Variants in ZC3H12B observed in about 807,000 individuals in gnomAD.
ZC3H12B encodes the protein zinc finger CCCH-type containing 12B.
A neutral mutation model predicts 43.9 loss-of-function variants in ZC3H12B; 7 were observed. The ratio of observed to expected loss-of-function variants is 0.16; its 90% CI spans 0.09 to 0.30. The LOEUF (loss-of-function observed/expected upper bound fraction) is 0.30. Ranked by LOEUF, ZC3H12B falls within the 10% of genes least tolerant of loss-of-function variation. The probability of loss-of-function intolerance (pLI) is 1.00; values close to 1 mark genes in which losing one functional copy is unlikely to be tolerated. For missense variants in ZC3H12B, 475 were observed against 670.2 expected (o/e 0.71, Z 3.22); for synonymous variants, 222 against 241.7 (o/e 0.92, Z 0.76).
intron 2 of ZC3H12B, among the ~76,000 whole-genome samples, chrX:65,376,211 G>A (rs772656263): frequency 1.8e-5 from 2 of 112,281 alleles, no homozygotes; most frequent in South Asian, 7.3e-4. Context: ...TGCTTCCTGT[G>A]GAGAGGATAG....
chrX:65,110,807 A>C, the ZC3H12B span, among the ~76,000 whole-genome samples: 1 of 111,401 alleles, frequency 9.0e-6, no homozygotes, highest in African/African-American at 3.3e-5. Flanking sequence ...TTAAGTCTGT[A>C]TATTTATTTA....
At chrX:65,077,234 G>A in the ZC3H12B span, among the ~76,000 whole-genome samples, 1 of 111,560 alleles carries the variant, frequency 9.0e-6, no homozygotes, top group Non-Finnish European at 1.9e-5. Context: ...CTGGGCTACC[G>A]GGTGTCATTG....
chrX:65,368,739 C>G (rs1274078390), intron 1 of ZC3H12B, 90 bp from the exon 4 acceptor site: 1 of 112,061 alleles, frequency 8.9e-6, no homozygotes, highest in Non-Finnish European at 1.9e-5. Flanking sequence ...TAATACTGAA[C>G]TTTAAATGGG....
the ZC3H12B span, among the ~76,000 whole-genome samples, chrX:65,058,194 T>C: frequency 9.0e-6 from 1 of 111,506 alleles, no homozygotes; most frequent in African/African-American, 3.3e-5. Flanking sequence ...TGCTCTGTTT[T>C]TTTCCCGTCT....
the ZC3H12B span, among the ~76,000 whole-genome samples, chrX:65,094,119 C>G: frequency 3.6e-5 from 4 of 110,252 alleles, no homozygotes; most frequent in Admixed American, 3.9e-4. Flanking sequence ...TACTCTTTCT[C>G]CTGCTCCAGC....
the ZC3H12B span, among the ~76,000 whole-genome samples, chrX:65,289,841 TGTTTAA>T: frequency 9.0e-6 from 1 of 110,572 alleles, no homozygotes; most frequent in Middle Eastern, 4.6e-3. Flanking sequence ...CAACCCAAAA[TGTTTAA>T]GTTTAAACAT....
the ZC3H12B span, among the ~76,000 whole-genome samples, chrX:65,165,799 G>A: frequency 8.9e-6 from 1 of 111,958 alleles, no homozygotes; most frequent in African/African-American, 3.3e-5. Flanking sequence ...ATAATCTTTT[G>A]GGTGTATACC....
the ZC3H12B span, among the ~76,000 whole-genome samples, chrX:65,193,796 C>A: frequency 1.8e-5 from 2 of 111,765 alleles, no homozygotes; most frequent in Non-Finnish European, 3.8e-5. Context: ...GTTGCTTTCT[C>A]TATATCTCAT....
chrX:65,220,541 G>A, the ZC3H12B span, among the ~76,000 whole-genome samples: 1 of 111,923 alleles, frequency 8.9e-6, no homozygotes, highest in African/African-American at 3.2e-5. Context: ...AAGGGAGCAG[G>A]AGTAGCTATT....
At chrX:65,230,349 G>C in the ZC3H12B span, among the ~76,000 whole-genome samples, 1 of 108,083 alleles carries the variant, frequency 9.3e-6, no homozygotes, top group Non-Finnish European at 1.9e-5. Context: ...TCACATGGAC[G>C]CAGGAAGGGG....
chrX:65,226,582 C>G, the ZC3H12B span, among the ~76,000 whole-genome samples: 22 of 111,474 alleles, frequency 2.0e-4, no homozygotes, highest in Admixed American at 1.4e-3. Context: ...AAGACACAGA[C>G]TGGCAAATTG....
the ZC3H12B span, among the ~76,000 whole-genome samples, chrX:65,159,452 T>G: frequency 8.9e-6 from 1 of 111,737 alleles, no homozygotes; most frequent in African/African-American, 3.3e-5. Context: ...TGAGCAGTGG[T>G]CTGTAGTTCT....
chrX:65,379,468 A>T (rs763664469), intron 2 of ZC3H12B, among the ~76,000 whole-genome samples: 1 of 112,172 alleles, frequency 8.9e-6, no homozygotes, highest in African/African-American at 3.2e-5. Context: ...CATCACCATC[A>T]TCTAAGACCA....
chrX:65,442,559 G>A (rs2067315993), intron 3 of ZC3H12B, among the ~76,000 whole-genome samples: 1 of 111,352 alleles, frequency 9.0e-6, no homozygotes, highest in African/African-American at 3.3e-5. Context: ...ATTAATCTGA[G>A]GTTGGGCCTG....
chrX:65,164,882 C>A, the ZC3H12B span, among the ~76,000 whole-genome samples: 2 of 111,906 alleles, frequency 1.8e-5, no homozygotes, highest in African/African-American at 6.5e-5. Context: ...AGGAAGCTTT[C>A]TTGAAAATAT....
the ZC3H12B span, among the ~76,000 whole-genome samples, chrX:65,211,905 T>C: frequency 1.3e-5 from 1 of 75,120 alleles, no homozygotes; most frequent in African/African-American, 5.5e-5. Context: ...ATAATATATA[T>C]GTTATGTATA....
chrX:65,062,488 C>T, the ZC3H12B span, among the ~76,000 whole-genome samples: 2 of 111,439 alleles, frequency 1.8e-5, no homozygotes, highest in African/African-American at 6.5e-5. Flanking sequence ...GGTGTTATTT[C>T]TGAGACCTCT....
At chrX:65,385,813 T>C (rs2066516157) in intron 2 of ZC3H12B, among the ~76,000 whole-genome samples, 1 of 112,104 alleles carries the variant, frequency 8.9e-6, no homozygotes, top group Non-Finnish European at 1.9e-5. Context: ...TTTTGAGCTA[T>C]GTCCCATCAA....
intron 2 of ZC3H12B, among the ~76,000 whole-genome samples, chrX:65,378,470 C>CA (rs903885055): frequency 2.8e-4 from 30 of 108,645 alleles, no homozygotes; most frequent in Non-Finnish European, 3.5e-4. Flanking sequence ...ACAACAGATA[C>CA]AAAAAAAAAT....
Sources: allele counts gnomAD v4.1 joint callset (sites outside exome capture counted in the v4.1 genomes callset), GRCh38; gene constraint gnomAD v4.1.1; transcripts MANE v1.5; gene names NCBI Gene and HGNC (gene_info 2026-07-23, HGNC 2026-07-21).